MAGI3: variants seen among roughly 807,000 people sequenced by gnomAD.
The protein encoded by MAGI3 is membrane associated guanylate kinase, WW and PDZ domain containing 3.
Under a neutral mutation model 121.8 loss-of-function variants are expected in MAGI3, and 43 were observed. That is an observed-to-expected ratio of 0.35 (90% CI 0.28 to 0.46). The LOEUF is 0.46. Ranked by LOEUF, MAGI3 falls within the 20% of genes least tolerant of loss-of-function variation. The probability of loss-of-function intolerance (pLI) is 1.00; values close to 1 mark genes in which losing one functional copy is unlikely to be tolerated. For missense variants in MAGI3, 1,547 were observed against 1,797.3 expected, an observed-to-expected ratio of 0.86 and a Z score of 2.52; for synonymous variants, 553 against 639.3, an observed-to-expected ratio of 0.86 and a Z score of 2.04.
intron 1 of MAGI3, among the ~76,000 whole-genome samples, chr1:113,413,637 G>A (rs778022983): frequency 3.9e-5 from 6 of 152,036 alleles, no homozygotes; most frequent in African/African-American, 7.2e-5. Context: ...TCCCTTTGTA[G>A]CAATTGTGAA....
At chr1:113,672,923 A>T (rs1306953178) in intron 18 of MAGI3, among the ~76,000 whole-genome samples, 182 bp downstream of exon 18, 5 of 152,230 alleles carry the variant, frequency 3.3e-5, no homozygotes, top group African/African-American at 1.2e-4. Context: ...GTGAAAGAAA[A>T]GTTTCCCCTA....
intron 1 of MAGI3, among the ~76,000 whole-genome samples, chr1:113,394,417 G>C (rs1650985915): frequency 6.6e-6 from 1 of 152,124 alleles, no homozygotes; most frequent in African/African-American, 2.4e-5. Flanking sequence ...TTTCTGCAAA[G>C]AGAAAAGTTG....
At position 113,682,577 on chromosome 1, in the gene MAGI3, T is replaced by C. The variant is rs1648286092; in HGVS notation, c.3329-320T>C. On this transcript the variant is annotated intron_variant, in intron 20 of 20. Coordinates refer to ENST00000307546, the MANE Select transcript of MAGI3 (RefSeq NM_001142782.2). Reference sequence around the variant, plus strand: ...AGCTTCTTGGGCCACGTAATTTGGTTCAGCTTTATAACTTGTAAGTTCTAA... The same window carrying C: ...AGCTTCTTGGGCCACGTAATTTGGTCCAGCTTTATAACTTGTAAGTTCTAA... 12 of 1,221,788 alleles carry C rather than the reference T, an allele frequency of 9.8e-6. No individual in the cohort carries two copies. In the South Asian group the frequency reaches 3.3e-4, roughly 34 times the overall value. 75.7% of individuals were successfully genotyped at this position (1,221,788 alleles called of 1,614,324 possible). A position where few individuals can be genotyped will look rare whatever the true frequency, so the allele number is the denominator to read the frequency against.
chr1:113,503,219 TAAAAAAAAAAAAAAA>T (rs869272201), intron 1 of MAGI3, among the ~76,000 whole-genome samples: 12 of 8,996 alleles, frequency 1.3e-3, no homozygotes, highest in African/African-American at 8.1e-3. Context: ...AGAGTATAAT[TAAAAAAAAAAAAAAA>T]AAAAAAAAAA....
chr1:113,530,458 T>A (rs1658655418), intron 1 of MAGI3, among the ~76,000 whole-genome samples: 1 of 149,722 alleles, frequency 6.7e-6, no homozygotes, highest in African/African-American at 2.5e-5. Flanking sequence ...GGGTAGAGGG[T>A]GGGAGGAGGG....
At chr1:113,568,567 A>C (rs1466488052) in intron 2 of MAGI3, among the ~76,000 whole-genome samples, 1 of 152,096 alleles carries the variant, frequency 6.6e-6, no homozygotes, top group African/African-American at 2.4e-5. Flanking sequence ...AAGATTTATT[A>C]GGAAAATAGA....
At chr1:113,610,932 CAAAAAAA>C (rs948625327) in intron 6 of MAGI3, among the ~76,000 whole-genome samples, 6 of 148,482 alleles carry the variant, frequency 4.0e-5, no homozygotes, top group African/African-American at 1.2e-4. Flanking sequence ...GACTCCATCT[CAAAAAAA>C]AATAAAAAAT....
intron 7 of MAGI3, among the ~76,000 whole-genome samples, chr1:113,616,400 G>C (rs149294847): frequency 1.3e-5 from 2 of 152,156 alleles, no homozygotes; most frequent in African/African-American, 4.8e-5. Flanking sequence ...TTTGAATCTC[G>C]ACCATAGTAA....
chr1:113,546,647 A>G (rs537715048), intron 1 of MAGI3, among the ~76,000 whole-genome samples: 1 of 151,472 alleles, frequency 6.6e-6, no homozygotes, highest in Non-Finnish European at 1.5e-5. Flanking sequence ...AAAATATCAC[A>G]CTTACAAAAT....
At chr1:113,398,112 C>T (rs1651215641) in intron 1 of MAGI3, among the ~76,000 whole-genome samples, 1 of 152,070 alleles carries the variant, frequency 6.6e-6, no homozygotes, top group Admixed American at 6.6e-5. Flanking sequence ...ACCTGCAGCC[C>T]CCACCCATTT....
At chr1:113,611,092 T>C (rs1014330751) in intron 6 of MAGI3, among the ~76,000 whole-genome samples, 1 of 150,568 alleles carries the variant, frequency 6.6e-6, no homozygotes, top group Admixed American at 6.6e-5. Context: ...ATTATTCTTT[T>C]TTTTTTTTTT....
intron 1 of MAGI3, among the ~76,000 whole-genome samples, chr1:113,439,125 A>G (rs1173449661): frequency 1.3e-5 from 2 of 152,216 alleles, no homozygotes; most frequent in Non-Finnish European, 2.9e-5. Flanking sequence ...CTAATAAGTA[A>G]CTAATGAGTG....
At chr1:113,400,500 C>T (rs931282353) in intron 1 of MAGI3, among the ~76,000 whole-genome samples, 6 of 152,170 alleles carry the variant, frequency 3.9e-5, no homozygotes, top group Non-Finnish European at 8.8e-5. Context: ...ATAGCAAGTA[C>T]TTTGTATTGT....
intron 1 of MAGI3, among the ~76,000 whole-genome samples, chr1:113,464,659 G>A (rs1181691125): frequency 6.6e-6 from 1 of 152,074 alleles, no homozygotes; most frequent in African/African-American, 2.4e-5. Context: ...CACCAGCATT[G>A]TTATTGTCTG....
chr1:113,638,988 T>C (rs923087866), intron 9 of MAGI3, among the ~76,000 whole-genome samples: 2 of 152,218 alleles, frequency 1.3e-5, no homozygotes, highest in African/African-American at 4.8e-5. Flanking sequence ...GATCTCAGAC[T>C]GCTGTGCTAG....
chr1:113,579,008 A>C (rs981086996), intron 2 of MAGI3, among the ~76,000 whole-genome samples: 13 of 152,190 alleles, frequency 8.5e-5, no homozygotes, highest in African/African-American at 2.9e-4. Flanking sequence ...AATGTGACTA[A>C]AAACAGTAGG....
At chr1:113,507,364 C>T (rs865939895) in intron 1 of MAGI3, among the ~76,000 whole-genome samples, 4 of 152,004 alleles carry the variant, frequency 2.6e-5, no homozygotes, top group African/African-American at 4.8e-5. Flanking sequence ...AAGGGGATAG[C>T]GTTTATGTTA....
At chr1:113,475,124 A>C (rs1012359851) in intron 1 of MAGI3, among the ~76,000 whole-genome samples, 5 of 152,200 alleles carry the variant, frequency 3.3e-5, no homozygotes, top group African/African-American at 9.6e-5. Flanking sequence ...TTATCAGCTT[A>C]AGAAGATTTT....
chr1:113,683,531 C>A lies in MAGI3; in HGVS notation c.3963C>A (p.Gly1321=), dbSNP rs61742852. The part of the protein sequence containing the change: ...GKSRRIAGYT[G]SNAEQIPDGK... ...GTCGAAGAATAGCAGGCTATACGGG[C>A]AGTAATGCTGAGCAGATCCCAGATG... is the stretch of plus-strand genomic sequence containing the variant. The change falls in exon 21 of 21, where the codon GGC becomes GGA. Residue 1321 remains glycine (G), a synonymous_variant. Transcript: ENST00000307546. 1.9e-6 allele frequency: 3 copies of A among 1,613,784 alleles called. No individual in the cohort carries two copies. The highest frequency in any genetic ancestry group is 1.7e-6 in the Non-Finnish European group (2 of 1,179,864).
Sources: gnomAD v4.1 joint callset for allele counts (sites outside exome capture counted in the v4.1 genomes callset) on GRCh38, gnomAD v4.1.1 for gene constraint, MANE v1.5 for transcripts, NCBI Gene and HGNC (gene_info 2026-07-23, HGNC 2026-07-21) for gene names.